SPMIP2: variants seen among roughly 807,000 people sequenced by gnomAD.
SPMIP2 encodes the protein sperm microtubule inner protein 2, also known as protein SPMIP2.
chr4:159,017,878 A>G, the SPMIP2 span, among the ~76,000 whole-genome samples: 2,080 of 152,334 alleles, frequency 0.014, 28 homozygotes, highest in Middle Eastern at 0.048. Context: ...TAAGATATAC[A>G]GGGAGGCAAC....
the SPMIP2 span, among the ~76,000 whole-genome samples, chr4:158,903,666 C>G: frequency 6.6e-6 from 1 of 152,182 alleles, no homozygotes; most frequent in Non-Finnish European, 1.5e-5. Context: ...CTTCTGTGCA[C>G]TCTGAAATCA....
chr4:159,056,367 A>G, the SPMIP2 span, among the ~76,000 whole-genome samples: 7 of 151,836 alleles, frequency 4.6e-5, no homozygotes, highest in African/African-American at 1.7e-4. Flanking sequence ...TTCCACCTCT[A>G]TTGTTCACGG....
the SPMIP2 span, among the ~76,000 whole-genome samples, chr4:158,939,193 G>A: frequency 6.6e-6 from 1 of 152,196 alleles, no homozygotes; most frequent in African/African-American, 2.4e-5. Context: ...TATTGACTCA[G>A]TTTAGTTTTG....
At chr4:158,970,138 G>A in the SPMIP2 span, among the ~76,000 whole-genome samples, 1 of 152,204 alleles carries the variant, frequency 6.6e-6, no homozygotes, top group African/African-American at 2.4e-5. Flanking sequence ...GAGTGTATGT[G>A]TATGTATCGG....
the SPMIP2 span, among the ~76,000 whole-genome samples, chr4:159,078,889 G>A: frequency 6.6e-5 from 10 of 152,060 alleles, no homozygotes; most frequent in Admixed American, 1.3e-4. Context: ...AGGCTGAGGC[G>A]GGTGAATCAC....
chr4:158,941,898 T>C, the SPMIP2 span, among the ~76,000 whole-genome samples: 1 of 152,284 alleles, frequency 6.6e-6, no homozygotes, highest in Non-Finnish European at 1.5e-5. Context: ...CTAATGCAGA[T>C]TAAGAGATGG....
chr4:158,926,277 GT>G, the SPMIP2 span, among the ~76,000 whole-genome samples: 1 of 151,296 alleles, frequency 6.6e-6, no homozygotes, highest in African/African-American at 2.4e-5. Flanking sequence ...AAGGTGTAAG[GT>G]TAGGTTCTTG....
chr4:159,011,716 T>C, the SPMIP2 span, among the ~76,000 whole-genome samples: 8 of 144,260 alleles, frequency 5.5e-5, no homozygotes, highest in African/African-American at 2.1e-4. Context: ...ATTGCACCAT[T>C]GCACTCCAGC....
chr4:159,035,088 A>G, the SPMIP2 span: 1 of 1,612,960 alleles, frequency 6.2e-7, no homozygotes, highest in East Asian at 2.2e-5. Context: ...GGTATGATAC[A>G]GATGCCATGG....
the SPMIP2 span, chr4:158,905,812 G>T: frequency 6.6e-6 from 1 of 152,040 alleles, no homozygotes; most frequent in South Asian, 2.1e-4. Flanking sequence ...TTAAATATTG[G>T]TCATTAAAGG....
chr4:159,070,386 G>C, the SPMIP2 span, among the ~76,000 whole-genome samples: 1 of 152,240 alleles, frequency 6.6e-6, no homozygotes, highest in African/African-American at 2.4e-5. Flanking sequence ...ACGTTTTAAA[G>C]TGAATTTTTA....
chr4:159,041,852 T>G, the SPMIP2 span, among the ~76,000 whole-genome samples: 1 of 152,184 alleles, frequency 6.6e-6, no homozygotes, highest in African/African-American at 2.4e-5. Context: ...TGCACAATAG[T>G]GTTATGACAC....
At chr4:159,082,876 C>G in the SPMIP2 span, among the ~76,000 whole-genome samples, 1 of 151,672 alleles carries the variant, frequency 6.6e-6, no homozygotes, top group East Asian at 2.0e-4. Flanking sequence ...TGAGCCCAGA[C>G]TGGTCTCAAA....
chr4:159,014,534 A>T, the SPMIP2 span, among the ~76,000 whole-genome samples: 1 of 152,080 alleles, frequency 6.6e-6, no homozygotes, highest in Non-Finnish European at 1.5e-5. Flanking sequence ...ATTATACTTT[A>T]AGTTTTAGGG....
chr4:159,043,920 T>C, the SPMIP2 span, among the ~76,000 whole-genome samples: 18 of 152,230 alleles, frequency 1.2e-4, no homozygotes, highest in Non-Finnish European at 2.4e-4. Flanking sequence ...TACGTGACTA[T>C]TGATCCCCAA....
chr4:158,976,396 CCATT>C, the SPMIP2 span, among the ~76,000 whole-genome samples: 5 of 152,118 alleles, frequency 3.3e-5, no homozygotes, highest in African/African-American at 1.2e-4. Context: ...CAGCATTTGG[CCATT>C]CATTATGATA....
the SPMIP2 span, among the ~76,000 whole-genome samples, chr4:159,050,120 G>A: frequency 6.6e-6 from 1 of 152,208 alleles, no homozygotes; most frequent in South Asian, 2.1e-4. Context: ...AAAATAAAGT[G>A]AATGCTGGCA....
chr4:158,925,260 A>G, the SPMIP2 span, among the ~76,000 whole-genome samples: 1 of 152,102 alleles, frequency 6.6e-6, no homozygotes, highest in Non-Finnish European at 1.5e-5. Context: ...TCTTGAATCA[A>G]TTTTGGTAGT....
At chr4:158,979,789 G>GTTTTTT in the SPMIP2 span, among the ~76,000 whole-genome samples, 342 of 104,434 alleles carry the variant, frequency 3.3e-3, 11 homozygotes, top group African/African-American at 0.012. Context: ...AGTTGCAAGA[G>GTTTTTT]TTTTTTTTTT....
Sources: allele counts gnomAD v4.1 joint callset (sites outside exome capture counted in the v4.1 genomes callset), GRCh38; gene constraint gnomAD v4.1.1; transcripts MANE v1.5; gene names NCBI Gene and HGNC (gene_info 2026-07-23, HGNC 2026-07-21).